The following ADSL variants were observed in gnomAD, a reference collection of about 807,000 sequenced individuals.
ADSL encodes the protein adenylosuccinate lyase, also known as adenylosuccinase.
In ADSL, 44 loss-of-function variants were observed where a neutral mutation model predicts 62.1. The ratio of observed to expected loss-of-function variants is 0.71; its 90% confidence interval spans 0.56 to 0.91. The LOEUF is 0.91. ADSL is among the 40% of genes least tolerant of loss of function. The pLI is 0.00. For synonymous variants in ADSL, 198 were observed against 220.5 expected (o/e 0.90, Z 0.90); for missense variants, 531 against 627.4 (o/e 0.85, Z 1.64).
intron 4 of ADSL, among the ~76,000 whole-genome samples, chr22:40,356,494 C>CGCT (rs2044563916): frequency 6.7e-6 from 1 of 149,576 alleles, no homozygotes; most frequent in African/African-American, 2.5e-5. Flanking sequence ...AAGATCGCGC[C>CGCT]GCTGCACTCC....
Position 40,346,542 on chromosome 22 carries a change from G to A in ADSL, c.-17G>A. 6.3e-7 allele frequency: 1 copy of A among 1,598,696 alleles called. No homozygotes were observed. ...CTTCCCTGGTCCAGTCCACCCTGGCGGGGTCGCAGGGTTGGGATGGCGGCT... is the reference window on the plus strand; with the variant it reads ...CTTCCCTGGTCCAGTCCACCCTGGCAGGGTCGCAGGGTTGGGATGGCGGCT... On this transcript the variant is annotated 5_prime_UTR_variant, in exon 1 of 13. Transcript: ENST00000623063.
At chr22:40,373,673 TG>T (rs960243005), downstream of ADSL, 9 of 152,372 alleles carry the variant, frequency 5.9e-5, no homozygotes, top group Non-Finnish European at 1.3e-4. Context: ...TAGAGTGCAG[TG>T]GGGCAATCTC....
At chr22:40,379,976 G>A (rs771044928) in intron 2 of ADSL, among the ~76,000 whole-genome samples, 19 of 152,140 alleles carry the variant, frequency 1.2e-4, no homozygotes, top group Non-Finnish European at 2.1e-4. Context: ...CTCCTAAAGT[G>A]CTGGGATTAT....
intron 2 of ADSL, chr22:40,387,514 A>C (rs1430743254): frequency 1.5e-5 from 4 of 275,558 alleles, no homozygotes; most frequent in Non-Finnish European, 1.3e-5. Context: ...TTAATATAAA[A>C]CTTTCAATAT....
At chr22:40,349,781 C>G in intron 1 of ADSL, 51 bp from the exon 2 acceptor site, 1 of 1,520,846 alleles carries the variant, frequency 6.6e-7, no homozygotes, top group Non-Finnish European at 9.1e-7. Flanking sequence ...TCACTTCATT[C>G]AAATAACTGT....
intron 2 of ADSL, among the ~76,000 whole-genome samples, chr22:40,352,299 G>A (rs2044376684): frequency 6.6e-6 from 1 of 152,070 alleles, no homozygotes; most frequent in African/African-American, 2.4e-5. Flanking sequence ...AGGCCGAGGT[G>A]GGCGGATCAT....
At chr22:40,382,054 T>A (rs2047659864) in intron 2 of ADSL, among the ~76,000 whole-genome samples, 1 of 152,202 alleles carries the variant, frequency 6.6e-6, no homozygotes, top group African/African-American at 2.4e-5. Flanking sequence ...TTCACTGTCC[T>A]GTCTAGGATC....
intron 2 of ADSL, among the ~76,000 whole-genome samples, chr22:40,378,994 C>A (rs907649467): frequency 5.3e-5 from 8 of 152,180 alleles, no homozygotes; most frequent in African/African-American, 1.9e-4. Context: ...GGTGTTTGCT[C>A]AGATTTTTCT....
intron 9 of ADSL, 143 bp from the exon 10 acceptor site, chr22:40,362,838 G>A: frequency 1.2e-6 from 1 of 823,508 alleles, no homozygotes. Context: ...CAGATTTGAG[G>A]GTCGTGAGGT....
At chr22:40,374,630 C>A (rs2046245275) in intron 2 of ADSL, among the ~76,000 whole-genome samples, 1 of 152,222 alleles carries the variant, frequency 6.6e-6, no homozygotes, top group Non-Finnish European at 1.5e-5. Context: ...CGCCTGTAAT[C>A]CCAGCACTTT....
At chr22:40,376,178 CTTTTTTTTT>C (rs10616868) in intron 2 of ADSL, 5 of 86,842 alleles carry the variant, frequency 5.8e-5, no homozygotes, top group African/African-American at 8.2e-5. Flanking sequence ...CAAATTACCA[CTTTTTTTTT>C]TTTTTTTTTT....
Position 40,367,868 on chromosome 22 carries a change from A to G in ADSL, c.*1346A>G, listed in dbSNP as rs890485336. 3.3e-5 allele frequency: 5 copies of G among 152,270 alleles called. No individual in the cohort carries two copies. Among genetic ancestry groups the G allele is most frequent in the Non-Finnish European group, 7.3e-5 (5 of 68,030 alleles). The allele number at this position is 152,270 out of a possible 1,614,324, so 9.4% of individuals were successfully genotyped here. On this transcript the variant is annotated 3_prime_UTR_variant, in exon 13 of 13. Coordinates refer to ENST00000623063, the MANE Select transcript of ADSL (RefSeq NM_000026.4). ...AAACTAGAGGAAAAAGTTAATAAAGATCAATGTAAATAAGTTAATCTTAAA... is the reference window on the plus strand; with the variant it reads ...AAACTAGAGGAAAAAGTTAATAAAGGTCAATGTAAATAAGTTAATCTTAAA...
intron 4 of ADSL, 84 bp downstream of exon 4, chr22:40,354,411 G>A (rs2044470736): frequency 9.4e-7 from 1 of 1,069,242 alleles, no homozygotes. Flanking sequence ...GTAACCTTGA[G>A]GTGAAGAATC....
intron 2 of ADSL, 64 bp downstream of exon 2, chr22:40,350,099 G>C (rs2044286357): frequency 6.8e-7 from 1 of 1,478,682 alleles, no homozygotes; most frequent in Admixed American, 1.7e-5. Flanking sequence ...AATTTTATTT[G>C]ATGTTGTCCA....
At chr22:40,384,427 G>A (rs950739482) in intron 2 of ADSL, among the ~76,000 whole-genome samples, 24 of 152,036 alleles carry the variant, frequency 1.6e-4, no homozygotes, top group African/African-American at 5.3e-4. Context: ...TTCCAGTCTG[G>A]ATAACATAGG....
At chr22:40,372,734 T>G (rs989623803), downstream of ADSL, 4 of 152,354 alleles carry the variant, frequency 2.6e-5, no homozygotes, top group African/African-American at 9.6e-5. Context: ...CTGGAGTGGA[T>G]GTAGGAACAG....
intron 5 of ADSL, 96 bp downstream of exon 5, chr22:40,359,131 A>T (rs1199566961): frequency 2.5e-6 from 4 of 1,588,450 alleles, no homozygotes; most frequent in Non-Finnish European, 3.5e-6. Context: ...TGACTGTGGG[A>T]TGGGTGGGGT....
At chr22:40,353,004 A>C in intron 2 of ADSL, 69 bp from the exon 3 acceptor site, 1 of 1,431,614 alleles carries the variant, frequency 7.0e-7, no homozygotes, top group Non-Finnish European at 9.8e-7. Context: ...TTCTGGCCAA[A>C]AAGTGTTATG....
chr22:40,378,310 G>A (rs996044001), intron 2 of ADSL: 2 of 152,332 alleles, frequency 1.3e-5, no homozygotes, highest in South Asian at 2.1e-4. Flanking sequence ...GTGTGTGCCT[G>A]TAGTCCTAGC....
Sources: allele counts gnomAD v4.1 joint callset (sites outside exome capture counted in the v4.1 genomes callset), GRCh38; gene constraint gnomAD v4.1.1; transcripts MANE v1.5; gene names NCBI Gene and HGNC (gene_info 2026-07-23, HGNC 2026-07-21).